RFC3: variants seen among roughly 807,000 people sequenced by gnomAD.
RFC3 encodes the protein replication factor C subunit 3, also known as A1 38 kDa subunit.
RFC3 carries 41 observed loss-of-function variants against 45.1 expected under a neutral mutation model. The observed-to-expected ratio is 0.91, with a 90% CI of 0.71 to 1.18. RFC3 has a LOEUF of 1.18. Among genes scored for constraint, RFC3 ranks in the 50% most tolerant of loss-of-function variants. The pLI is 0.00. For missense variants in RFC3, 423 were observed against 428.1 expected, an observed-to-expected ratio of 0.99 and a Z score of 0.10; for synonymous variants, 149 against 144.0, an observed-to-expected ratio of 1.03 and a Z score of -0.25.
At chr13:33,888,736 T>A (rs1593668310) in intron 8 of RFC3, among the ~76,000 whole-genome samples, 1 of 151,276 alleles carries the variant, frequency 6.6e-6, no homozygotes, top group Non-Finnish European at 1.5e-5. Context: ...AATATTTATT[T>A]TAAAGAAAAT....
chr13:33,940,689 C>T (rs1051561221), intron 8 of RFC3, among the ~76,000 whole-genome samples: 1 of 152,180 alleles, frequency 6.6e-6, no homozygotes, highest in African/African-American at 2.4e-5. Flanking sequence ...CTTACCCTGA[C>T]TTACCGTAGT....
intron 8 of RFC3, among the ~76,000 whole-genome samples, chr13:33,879,443 C>T (rs2082468059): frequency 6.6e-6 from 1 of 152,192 alleles, no homozygotes; most frequent in Admixed American, 6.5e-5. Flanking sequence ...GACCTGCTCT[C>T]TGCCTCTGCA....
intron 8 of RFC3, among the ~76,000 whole-genome samples, chr13:33,870,732 G>T (rs1017138975): frequency 6.6e-6 from 1 of 151,950 alleles, no homozygotes; most frequent in Non-Finnish European, 1.5e-5. Flanking sequence ...TAGGACCATT[G>T]TTTTTGTTTG....
chr13:33,899,337 G>C (rs1038126140), intron 8 of RFC3, among the ~76,000 whole-genome samples: 4 of 151,306 alleles, frequency 2.6e-5, no homozygotes, highest in Non-Finnish European at 4.4e-5. Flanking sequence ...CATTCACCAT[G>C]ATCAAGTGGG....
intron 8 of RFC3, among the ~76,000 whole-genome samples, chr13:33,961,601 A>C (rs2083057490): frequency 6.6e-6 from 1 of 152,222 alleles, no homozygotes; most frequent in Non-Finnish European, 1.5e-5. Context: ...GCAGAGGCCT[A>C]GGTTTCCAGG....
Position 33,890,608 on chromosome 13 carries a change from C to A in RFC3, c.879+55391C>A, listed in dbSNP as rs139690879. Among the ~76,000 whole-genome samples the A allele has an allele frequency of 8.7e-4, 132 of 152,228 alleles. 1 individual carries two copies. In the East Asian group the frequency reaches 0.019, roughly 22 times the overall value. ...TTCGGAAAATCTATGAATCTTTGGA[C>A]CCTCATGTTTATTTATCATTTACTA... On this transcript the variant is annotated intron_variant, in intron 8 of 8. Transcript: ENST00000434425.
chr13:33,952,035 T>C (rs752113853), intron 8 of RFC3, among the ~76,000 whole-genome samples: 3 of 152,230 alleles, frequency 2.0e-5, no homozygotes, highest in African/African-American at 4.8e-5. Flanking sequence ...AAGAATAACA[T>C]TGGATTCAAT....
At chr13:33,964,784 C>G (rs2083077619) in intron 8 of RFC3, among the ~76,000 whole-genome samples, 1 of 152,172 alleles carries the variant, frequency 6.6e-6, no homozygotes, top group South Asian at 2.1e-4. Context: ...CTGAATGTCA[C>G]TTCATTTGGA....
chr13:33,834,292 C>CTGTGTG (rs200557958), intron 7 of RFC3, among the ~76,000 whole-genome samples: 35 of 65,920 alleles, frequency 5.3e-4, no homozygotes, highest in Middle Eastern at 7.9e-3. Flanking sequence ...AACATCTGTA[C>CTGTGTG]TGTGTGTATA....
downstream of RFC3, among the ~76,000 whole-genome samples, chr13:33,969,345 T>G (rs1397890819): frequency 6.6e-6 from 1 of 152,226 alleles, no homozygotes; most frequent in Non-Finnish European, 1.5e-5. Context: ...GACAGGAGAC[T>G]GGAAGAAAGT....
intron 7 of RFC3, among the ~76,000 whole-genome samples, chr13:33,834,737 CAT>C (rs1368196628): frequency 1.3e-5 from 2 of 152,026 alleles, no homozygotes; most frequent in South Asian, 2.1e-4. Flanking sequence ...AAAAGAAAAA[CAT>C]ATTACTTGAC....
At chr13:33,963,652 A>G (rs573334267) in intron 8 of RFC3, among the ~76,000 whole-genome samples, 7 of 152,124 alleles carry the variant, frequency 4.6e-5, no homozygotes, top group Non-Finnish European at 1.0e-4. Flanking sequence ...ATTTTGTTTG[A>G]TATTTCCTCC....
the RFC3 span, among the ~76,000 whole-genome samples, chr13:33,973,976 T>G: frequency 1.3e-5 from 2 of 152,154 alleles, no homozygotes; most frequent in African/African-American, 4.8e-5. Flanking sequence ...ATAGTAATTC[T>G]GGAAACCAAG....
chr13:33,929,301 A>G (rs2082837109), intron 8 of RFC3, among the ~76,000 whole-genome samples: 1 of 152,096 alleles, frequency 6.6e-6, no homozygotes, highest in Admixed American at 6.6e-5. Context: ...CACAGCCAGT[A>G]CACTTGTGGG....
intron 8 of RFC3, among the ~76,000 whole-genome samples, chr13:33,925,547 TATAC>T (rs1186569393): frequency 6.9e-6 from 1 of 145,388 alleles, no homozygotes; most frequent in African/African-American, 2.6e-5. Flanking sequence ...TAGTGTACTA[TATAC>T]ATACATACAT....
chr13:33,859,173 G>T (rs1428709436), intron 8 of RFC3, among the ~76,000 whole-genome samples: 2 of 152,120 alleles, frequency 1.3e-5, no homozygotes, highest in African/African-American at 4.8e-5. Flanking sequence ...CTTCATGTTT[G>T]CTGTGAGAGT....
intron 5 of RFC3, 39 bp downstream of exon 5, chr13:33,830,056 C>T: frequency 1.3e-6 from 2 of 1,552,976 alleles, no homozygotes; most frequent in Non-Finnish European, 1.8e-6. Context: ...TAAATCAGTT[C>T]AGATTCTCTG....
intron 8 of RFC3, among the ~76,000 whole-genome samples, chr13:33,958,400 G>T (rs2083035291): frequency 6.6e-6 from 1 of 152,152 alleles, no homozygotes; most frequent in Non-Finnish European, 1.5e-5. Context: ...ATTTCTGGAG[G>T]TATTTGCACT....
chr13:33,826,879 T>C (rs1390286574), intron 4 of RFC3, among the ~76,000 whole-genome samples: 1 of 152,178 alleles, frequency 6.6e-6, no homozygotes, highest in African/African-American at 2.4e-5. Flanking sequence ...GTAATAGAGA[T>C]AGCAGATGTC....
Sources: allele counts gnomAD v4.1 joint callset (sites outside exome capture counted in the v4.1 genomes callset), GRCh38; gene constraint gnomAD v4.1.1; transcripts MANE v1.5; gene names NCBI Gene and HGNC (gene_info 2026-07-23, HGNC 2026-07-21).